RIT2: variants seen among roughly 807,000 people sequenced by gnomAD.
RIT2 encodes the protein Ras like without CAAX 2.
RIT2 carries 24 observed loss-of-function variants against 23.7 expected under a neutral mutation model. That is an observed-to-expected ratio of 1.01 (90% CI 0.73 to 1.43). The LOEUF is 1.43. Among genes scored for constraint, RIT2 ranks in the 40% most tolerant of loss-of-function variants. RIT2 has a pLI of 0.00. For synonymous variants in RIT2, 107 were observed against 91.1 expected (o/e 1.17, Z -0.99); for missense variants, 236 against 266.9 (o/e 0.88, Z 0.81).
intron 4 of RIT2, among the ~76,000 whole-genome samples, chr18:42,764,518 T>C (rs1045950379): frequency 1.3e-5 from 2 of 152,328 alleles, no homozygotes; most frequent in African/African-American, 4.8e-5. Flanking sequence ...TCCAGGGACA[T>C]ACCCCATCTC....
At chr18:43,059,128 C>T (rs1912580457) in intron 1 of RIT2, among the ~76,000 whole-genome samples, 2 of 151,788 alleles carry the variant, frequency 1.3e-5, no homozygotes, top group African/African-American at 4.8e-5. Context: ...AGAGGAATGA[C>T]ATGATCATCT....
At chr18:42,752,065 CA>C (rs916098661) in intron 4 of RIT2, among the ~76,000 whole-genome samples, 39 of 149,532 alleles carry the variant, frequency 2.6e-4, no homozygotes, top group Middle Eastern at 3.4e-3. Flanking sequence ...CCAAACATGT[CA>C]AAAAAAAAGC....
intron 4 of RIT2, among the ~76,000 whole-genome samples, chr18:42,794,413 G>A (rs1475453229): frequency 5.3e-5 from 8 of 152,182 alleles, no homozygotes; most frequent in African/African-American, 2.4e-5. Flanking sequence ...CATATTGAAA[G>A]GTATAGATCA....
intron 3 of RIT2, among the ~76,000 whole-genome samples, chr18:42,935,479 G>A (rs1292269967): frequency 6.6e-6 from 1 of 152,084 alleles, no homozygotes; most frequent in Admixed American, 6.6e-5. Context: ...TAACAGCTAC[G>A]AAGCTCTGGA....
At chr18:43,082,739 A>G (rs1283947143) in intron 1 of RIT2, among the ~76,000 whole-genome samples, 2 of 152,148 alleles carry the variant, frequency 1.3e-5, no homozygotes, top group Non-Finnish European at 2.9e-5. Context: ...TCTCAAAATA[A>G]TAAGAGCTAT....
intron 3 of RIT2, among the ~76,000 whole-genome samples, chr18:42,970,942 G>C (rs554151946): frequency 6.6e-6 from 1 of 151,764 alleles, no homozygotes; most frequent in Non-Finnish European, 1.5e-5. Context: ...CTTGCAATGG[G>C]CAAGGGAAAT....
intron 1 of RIT2, among the ~76,000 whole-genome samples, chr18:43,092,778 T>C (rs1283295461): frequency 6.6e-6 from 1 of 152,058 alleles, no homozygotes; most frequent in African/African-American, 2.4e-5. Context: ...TATTATGTAA[T>C]TGCAAGCAAC....
At chr18:43,006,995 TATTA>T (rs2144249292) in intron 2 of RIT2, among the ~76,000 whole-genome samples, 1 of 151,654 alleles carries the variant, frequency 6.6e-6, no homozygotes, top group East Asian at 2.0e-4. Flanking sequence ...TCATACTCTT[TATTA>T]GAGAAAAACA....
At chr18:42,912,470 A>T (rs1324316064) in intron 4 of RIT2, among the ~76,000 whole-genome samples, 3 of 151,894 alleles carry the variant, frequency 2.0e-5, no homozygotes, top group African/African-American at 7.2e-5. Flanking sequence ...ATGAGAAAGA[A>T]ACAACTAAAA....
chr18:42,908,005 A>C (rs1414763217), intron 4 of RIT2, among the ~76,000 whole-genome samples: 1 of 152,014 alleles, frequency 6.6e-6, no homozygotes, highest in East Asian at 1.9e-4. Flanking sequence ...AAAATGCTTC[A>C]ATAATCATTA....
intron 4 of RIT2, among the ~76,000 whole-genome samples, chr18:42,761,069 C>T (rs911083579): frequency 2.0e-5 from 3 of 152,196 alleles, no homozygotes; most frequent in Non-Finnish European, 2.9e-5. Context: ...TATGTTTAAT[C>T]AATGCAGGCT....
chr18:42,959,044 C>A (rs1252247741), intron 3 of RIT2, among the ~76,000 whole-genome samples: 1 of 152,154 alleles, frequency 6.6e-6, no homozygotes, highest in Non-Finnish European at 1.5e-5. Context: ...GTTCCCTATG[C>A]ACAGTTGCAA....
chr18:43,097,130 G>T (rs995890707), intron 1 of RIT2, among the ~76,000 whole-genome samples: 1 of 151,836 alleles, frequency 6.6e-6, no homozygotes, highest in African/African-American at 2.4e-5. Context: ...TTCTCAAACT[G>T]CTATACAATA....
intron 1 of RIT2, among the ~76,000 whole-genome samples, chr18:43,066,311 T>C (rs1912769751): frequency 6.6e-6 from 1 of 152,120 alleles, no homozygotes; most frequent in South Asian, 2.1e-4. Context: ...ATTCACAAAA[T>C]TTACAAAGAA....
At chr18:42,767,419 T>C (rs1913450843) in intron 4 of RIT2, among the ~76,000 whole-genome samples, 1 of 152,188 alleles carries the variant, frequency 6.6e-6, no homozygotes, top group Non-Finnish European at 1.5e-5. Flanking sequence ...AACCACTTTG[T>C]TTTGGCCAGT....
chr18:42,982,758 C>T (rs551866791), intron 2 of RIT2, among the ~76,000 whole-genome samples: 263 of 152,086 alleles, frequency 1.7e-3, no homozygotes, highest in African/African-American at 5.8e-3. Flanking sequence ...TGCTCAAAAA[C>T]TAAATACTTA....
chr18:42,857,952 G>A (rs754925695), intron 4 of RIT2, among the ~76,000 whole-genome samples: 9 of 152,112 alleles, frequency 5.9e-5, no homozygotes, highest in South Asian at 2.1e-4. Flanking sequence ...AGGCCAAGGC[G>A]GGTGCATCAT....
chr18:42,830,291 C>T (rs1906420262), intron 4 of RIT2, among the ~76,000 whole-genome samples: 1 of 152,172 alleles, frequency 6.6e-6, no homozygotes, highest in Non-Finnish European at 1.5e-5. Flanking sequence ...AACCATCAAC[C>T]ATCAACAACT....
At position 42,775,129 on chromosome 18, in the gene RIT2, T is replaced by G. The variant is rs142504827; in HGVS notation, c.427-31409A>C. Among the ~76,000 whole-genome samples the G allele has an allele frequency of 1.3e-3, 204 of 152,310 alleles. 1 individual carries two copies. Among genetic ancestry groups the G allele is most frequent in the African/African-American group, 4.5e-3 (186 of 41,588 alleles). The stretch of plus-strand genomic sequence containing the variant: ...AGTTTCTTACATACATTAAATTTAT[T>G]TCTGACATATGCAACCTTCACCACA... On this transcript the variant is annotated intron_variant, in intron 4 of 4. Transcript: ENST00000326695.
Sources: gnomAD v4.1 joint callset for allele counts (sites outside exome capture counted in the v4.1 genomes callset) on GRCh38, gnomAD v4.1.1 for gene constraint, MANE v1.5 for transcripts, NCBI Gene and HGNC (gene_info 2026-07-23, HGNC 2026-07-21) for gene names.